The following ASXL2 variants were observed in gnomAD, a reference collection of about 807,000 sequenced individuals.
The protein encoded by ASXL2 is ASXL transcriptional regulator 2, also known as putative Polycomb group protein ASXL2.
A neutral mutation model predicts 122.0 loss-of-function variants in ASXL2; 23 were observed. That is an observed-to-expected ratio of 0.19 (90% CI 0.14 to 0.27). The LOEUF (loss-of-function observed/expected upper bound fraction) is 0.27, where lower values mean the gene tolerates loss of function less well. Ranked by LOEUF, ASXL2 falls within the 10% of genes least tolerant of loss-of-function variation. The pLI, the probability that ASXL2 is intolerant of heterozygous loss-of-function variation, is 1.00. For missense variants in ASXL2, 1,518 were observed against 1,713.8 expected (o/e 0.89, Z 2.02); for synonymous variants, 650 against 637.0 (o/e 1.02, Z -0.31).
intron 11 of ASXL2, among the ~76,000 whole-genome samples, chr2:25,752,588 C>T (rs2088063555): frequency 6.6e-6 from 1 of 152,126 alleles, no homozygotes; most frequent in Admixed American, 6.5e-5. Context: ...TGGCTCATAC[C>T]TGTAATCCCA....
intron 8 of ASXL2, among the ~76,000 whole-genome samples, chr2:25,764,568 C>A (rs556679741): frequency 1.1e-3 from 166 of 152,220 alleles, no homozygotes; most frequent in Non-Finnish European, 1.7e-3. Flanking sequence ...TTGCTATATA[C>A]CATGATGAAT....
At chr2:25,767,492 A>T (rs878921655) in intron 8 of ASXL2, 91 bp downstream of exon 8, 3 of 1,384,900 alleles carry the variant, frequency 2.2e-6, no homozygotes, top group East Asian at 4.6e-5. Flanking sequence ...AATCTAAGTT[A>T]TAAGTACCTA....
rs1300532114 is a variant in ASXL2 at position 25,741,150 on chromosome 2, A to G, written c.*879T>C. 2 of 212,976 alleles carry G rather than the reference A, an allele frequency of 9.4e-6. No individual in the cohort carries two copies. The highest frequency in any genetic ancestry group is 7.0e-5 in the East Asian group (1 of 14,200). 13.2% of individuals were successfully genotyped at this position (212,976 alleles called of 1,614,324 possible). ...ACTAACACTTTCCTGTTCATTTTATATGAGTATTTCAAAATTGTTAGTTAC... is the reference window on the plus strand; with the variant it reads ...ACTAACACTTTCCTGTTCATTTTATGTGAGTATTTCAAAATTGTTAGTTAC... On this transcript the variant is annotated 3_prime_UTR_variant, in exon 13 of 13. Coordinates refer to ENST00000435504, the MANE Select transcript of ASXL2 (RefSeq NM_018263.6).
chr2:25,783,474 C>A (rs2088680646), intron 5 of ASXL2, among the ~76,000 whole-genome samples: 1 of 149,952 alleles, frequency 6.7e-6, no homozygotes, highest in South Asian at 2.1e-4. Flanking sequence ...CCTTTTCTAC[C>A]ATTTTTCTCT....
intron 1 of ASXL2, among the ~76,000 whole-genome samples, chr2:25,853,692 A>G (rs1419105828): frequency 2.0e-5 from 3 of 151,962 alleles, no homozygotes; most frequent in Non-Finnish European, 4.4e-5. Flanking sequence ...ATGCAGTTTT[A>G]TAGCTGGAGT....
At chr2:25,857,245 A>G (rs922362337) in intron 1 of ASXL2, among the ~76,000 whole-genome samples, 3 of 152,042 alleles carry the variant, frequency 2.0e-5, no homozygotes, top group African/African-American at 4.8e-5. Flanking sequence ...AGCACACCCT[A>G]TTCTTGAGTA....
intron 9 of ASXL2, 146 bp from the exon 10 acceptor site, chr2:25,756,260 C>T (rs2088131333): frequency 2.5e-6 from 1 of 402,444 alleles, no homozygotes; most frequent in East Asian, 4.0e-5. Context: ...GCTTATCCAA[C>T]TCTGTTATTT....
chr2:25,849,259 G>C (rs1179850152), intron 1 of ASXL2, among the ~76,000 whole-genome samples: 1 of 150,158 alleles, frequency 6.7e-6, no homozygotes. Flanking sequence ...CCAACATGGA[G>C]ATTCCCTGCC....
At position 25,804,084 on chromosome 2, in the gene ASXL2, A is replaced by AC. The variant is rs148206614; in HGVS notation, c.252+2144_252+2145insG. On this transcript the variant is annotated intron_variant, in intron 4 of 12. Coordinates refer to ENST00000435504, the MANE Select transcript of ASXL2 (RefSeq NM_018263.6). ...CAGCTAAAACCAAAAAGAAATACAG[A>AC]AAGTTCCATGTGAGAATAGAGCCCT... Among the ~76,000 whole-genome samples the AC allele has an allele frequency of 8.4e-3, 1,285 of 152,310 alleles. 10 individuals carry two copies. The highest frequency in any genetic ancestry group is 0.03 in the African/African-American group (1,251 of 41,560).
intron 10 of ASXL2, among the ~76,000 whole-genome samples, chr2:25,755,158 T>C (rs2088112185): frequency 6.6e-6 from 1 of 152,246 alleles, no homozygotes; most frequent in Non-Finnish European, 1.5e-5. Flanking sequence ...AAAACAGATG[T>C]AATAAAAATA....
chr2:25,783,038 A>G (rs940212493), intron 5 of ASXL2, among the ~76,000 whole-genome samples: 2 of 152,180 alleles, frequency 1.3e-5, no homozygotes, highest in Non-Finnish European at 2.9e-5. Context: ...CTGAGGCAGG[A>G]GAATCGCTTG....
intron 5 of ASXL2, among the ~76,000 whole-genome samples, chr2:25,779,053 T>C (rs566795736): frequency 6.6e-6 from 1 of 151,164 alleles, no homozygotes; most frequent in South Asian, 2.1e-4. Context: ...CAAATTTGAA[T>C]TGAAGATCAC....
intron 10 of ASXL2, among the ~76,000 whole-genome samples, chr2:25,753,907 GCTCCAAGCATCACA>G (rs1348661213): frequency 5.9e-5 from 9 of 152,056 alleles, no homozygotes; most frequent in Admixed American, 3.3e-4. Flanking sequence ...CCTTCCTCAC[GCTCCAAGCATCACA>G]CTCCATACAG....
At chr2:25,754,460 T>TA (rs953334278) in intron 10 of ASXL2, among the ~76,000 whole-genome samples, 70 of 152,242 alleles carry the variant, frequency 4.6e-4, no homozygotes, top group African/African-American at 1.5e-3. Context: ...GGAAAAGTGT[T>TA]AGAGGACCGT....
intron 2 of ASXL2, among the ~76,000 whole-genome samples, chr2:25,837,953 C>CAAAAAAAAAA (rs34490545): frequency 4.6e-5 from 3 of 65,382 alleles, no homozygotes; most frequent in Non-Finnish European, 6.8e-5. Context: ...CCTGTCTCTA[C>CAAAAAAAAAA]AAAAAAAAAA....
At chr2:25,774,253 TAAAAC>T (rs1413950940) in intron 5 of ASXL2, among the ~76,000 whole-genome samples, 2 of 151,972 alleles carry the variant, frequency 1.3e-5, no homozygotes, top group African/African-American at 4.8e-5. Context: ...ACCCCGAACC[TAAAAC>T]AAAAGTTAAA....
intron 5 of ASXL2, among the ~76,000 whole-genome samples, chr2:25,785,593 C>G (rs1323752219): frequency 2.6e-5 from 4 of 152,078 alleles, no homozygotes; most frequent in African/African-American, 9.7e-5. Flanking sequence ...CGTCCCCTGG[C>G]TGGAGTGCAA....
At chr2:25,860,097 G>A (rs769646762) in intron 1 of ASXL2, among the ~76,000 whole-genome samples, 2 of 152,034 alleles carry the variant, frequency 1.3e-5, no homozygotes, top group African/African-American at 2.4e-5. Context: ...CGAGGCGGCC[G>A]GATCACCTGA....
In ASXL2 at chr2:25,743,430, A is replaced by G; in HGVS notation, c.2907T>C (p.Pro969=). 1 of 1,613,898 alleles carries G rather than the reference A, an allele frequency of 6.2e-7. No individual in the cohort carries two copies. The highest frequency in any genetic ancestry group is 8.5e-7 in the Non-Finnish European group (1 of 1,179,878). ...TCATTTCAACTTTGGTGAGAGGTTT[A>G]GGCAGAATTTGCTCCATGGGAACAT... is the stretch of plus-strand genomic sequence containing the variant. The part of the protein sequence containing the change: ...GKDVPMEQIL[P]KPLTKVEMKT... The change falls in exon 13 of 13, where the codon CCT becomes CCC. Residue 969 remains proline (P), a synonymous_variant. Coordinates refer to ENST00000435504, the MANE Select transcript of ASXL2 (RefSeq NM_018263.6).
Sources: gnomAD v4.1 joint callset for allele counts (sites outside exome capture counted in the v4.1 genomes callset) on GRCh38, gnomAD v4.1.1 for gene constraint, MANE v1.5 for transcripts, NCBI Gene and HGNC (gene_info 2026-07-23, HGNC 2026-07-21) for gene names.